Variants in FMN2 observed in about 807,000 individuals in gnomAD.
FMN2 encodes the protein formin-2.
In FMN2, 51 loss-of-function variants were observed where a neutral mutation model predicts 142.3. The ratio of observed to expected loss-of-function variants is 0.36; its 90% confidence interval spans 0.29 to 0.45. The LOEUF (loss-of-function observed/expected upper bound fraction) is 0.45, where lower values mean the gene tolerates loss of function less well. Ranked by LOEUF, FMN2 falls within the 20% of genes least tolerant of loss-of-function variation. FMN2 has a pLI of 1.00. For synonymous variants in FMN2, 882 were observed against 869.8 expected (o/e 1.01, Z -0.25); for missense variants, 1,936 against 2,122.8 (o/e 0.91, Z 1.73).
In FMN2 at chr1:240,361,835, G is replaced by A. The variant is rs887937943; in HGVS notation, c.4858+5927G>A. On this transcript the variant is annotated intron_variant, in intron 14 of 17. Transcript: ENST00000319653. Reference sequence around the variant, plus strand: ...AGGAGGTTAAGAAAAATTAGATCCAGGGATAGTATTCTGGAGGAGAATAGC... The same window carrying A: ...AGGAGGTTAAGAAAAATTAGATCCAAGGATAGTATTCTGGAGGAGAATAGC... 9.8e-5 allele frequency among the ~76,000 whole-genome samples: 15 copies of A among 152,316 alleles called. No individual in the cohort carries two copies. The East Asian group carries it at 1.2e-3, about 12-fold the overall frequency.
chr1:240,470,443 G>T (rs1306778919), intron 16 of FMN2, among the ~76,000 whole-genome samples: 1 of 152,160 alleles, frequency 6.6e-6, no homozygotes, highest in East Asian at 1.9e-4. Flanking sequence ...TTCTGGAATT[G>T]CTAACAATAT....
intron 8 of FMN2, among the ~76,000 whole-genome samples, chr1:240,299,722 G>A (rs1288241723): frequency 6.6e-6 from 1 of 152,036 alleles, no homozygotes; most frequent in Non-Finnish European, 1.5e-5. Flanking sequence ...TGTTACCTTA[G>A]ATCTTTTGAG....
intron 6 of FMN2, among the ~76,000 whole-genome samples, chr1:240,257,236 G>A (rs1043758884): frequency 2.0e-4 from 31 of 152,150 alleles, no homozygotes; most frequent in African/African-American, 7.0e-4. Context: ...TCTGTTTTAG[G>A]AACCCTTCGC....
chr1:240,273,597 T>G (rs1166053472), intron 7 of FMN2, among the ~76,000 whole-genome samples: 1 of 152,146 alleles, frequency 6.6e-6, no homozygotes, highest in African/African-American at 2.4e-5. Flanking sequence ...GCTTTAGTGT[T>G]GTACTGTCTC....
At chr1:240,463,917 C>T (rs925140476) in intron 16 of FMN2, among the ~76,000 whole-genome samples, 6 of 151,968 alleles carry the variant, frequency 3.9e-5, no homozygotes, top group African/African-American at 1.2e-4. Context: ...GCATGAGAAT[C>T]ATTTGAACCT....
chr1:240,398,534 C>T (rs1436247433), intron 15 of FMN2, among the ~76,000 whole-genome samples: 1 of 152,124 alleles, frequency 6.6e-6, no homozygotes, highest in Non-Finnish European at 1.5e-5. Context: ...TATAATTAAA[C>T]AATGAACCCC....
At chr1:240,107,793 T>C (rs982364691) in intron 1 of FMN2, among the ~76,000 whole-genome samples, 1 of 152,210 alleles carries the variant, frequency 6.6e-6, no homozygotes, top group African/African-American at 2.4e-5. Flanking sequence ...TTGAACTTTA[T>C]ATAAATTTTA....
intron 16 of FMN2, among the ~76,000 whole-genome samples, chr1:240,440,897 G>A (rs1047367044): frequency 1.3e-5 from 2 of 151,830 alleles, no homozygotes; most frequent in African/African-American, 4.8e-5. Context: ...TTTCAAGACA[G>A]CAAAGCATTA....
chr1:240,270,272 C>T (rs528271220), intron 7 of FMN2, among the ~76,000 whole-genome samples: 6 of 152,084 alleles, frequency 3.9e-5, no homozygotes, highest in Non-Finnish European at 8.8e-5. Context: ...GAAAAGAGAA[C>T]TCTTCCATAC....
At chr1:240,104,453 C>T (rs945998228) in intron 1 of FMN2, among the ~76,000 whole-genome samples, 4 of 152,080 alleles carry the variant, frequency 2.6e-5, no homozygotes, top group Admixed American at 1.3e-4. Context: ...GTGACACACT[C>T]GCATCATCAG....
intron 16 of FMN2, among the ~76,000 whole-genome samples, chr1:240,470,026 C>T (rs531760511): frequency 1.3e-5 from 2 of 152,080 alleles, no homozygotes; most frequent in Admixed American, 6.6e-5. Flanking sequence ...GTATTAGACT[C>T]GGTTTCCTGT....
At chr1:240,317,668 TG>T (rs1670835713) in intron 8 of FMN2, among the ~76,000 whole-genome samples, 1 of 152,202 alleles carries the variant, frequency 6.6e-6, no homozygotes, top group Non-Finnish European at 1.5e-5. Flanking sequence ...TGGGGTGTTT[TG>T]AGTTTTTGGG....
At chr1:240,145,467 A>G (rs73128591) in intron 2 of FMN2, 54,557 of 246,324 alleles carry the variant, frequency 0.22, 5,861 homozygotes, top group Middle Eastern at 0.3. Context: ...TTTCTTTAGT[A>G]TTGTATTTGA....
rs559039481 is a variant in FMN2 at position 240,183,494 on chromosome 1, A to G, written c.1931-4713A>G. On this transcript the variant is annotated intron_variant, in intron 3 of 17. Transcript: ENST00000319653. ...GAATATATATTATATATTGAATTAG[A>G]TAATATATTGAATATTATATATTAC... Among the ~76,000 whole-genome samples the G allele has an allele frequency of 2.0e-5, 3 of 148,370 alleles. No homozygotes were observed. The South Asian group carries it at 6.3e-4, about 31-fold the overall frequency.
chr1:240,099,356 T>C (rs1439285737), intron 1 of FMN2, among the ~76,000 whole-genome samples: 3 of 152,106 alleles, frequency 2.0e-5, no homozygotes, highest in Admixed American at 6.5e-5. Context: ...TTTTCTTTTT[T>C]TTTTCTGGAA....
chr1:240,303,267 A>C (rs899256272), intron 8 of FMN2, among the ~76,000 whole-genome samples: 2 of 152,180 alleles, frequency 1.3e-5, no homozygotes, highest in South Asian at 2.1e-4. Flanking sequence ...GTATTTCTTC[A>C]TACAGCTTTG....
At chr1:240,468,206 A>ATATATATGTGTGTGTG (rs374934885) in intron 16 of FMN2, among the ~76,000 whole-genome samples, 1 of 147,876 alleles carries the variant, frequency 6.8e-6, no homozygotes, top group Non-Finnish European at 1.5e-5. Flanking sequence ...ATATATATAT[A>ATATATATGTGTGTGTG]TGTGTGTGTG....
chr1:240,318,515 T>C (rs933356920), intron 8 of FMN2, among the ~76,000 whole-genome samples: 2 of 152,146 alleles, frequency 1.3e-5, no homozygotes, highest in African/African-American at 4.8e-5. Flanking sequence ...AGGAAGTTCA[T>C]CACCATGCTG....
Position 240,093,416 on chromosome 1 carries a change from C to G in FMN2, c.1307C>G (p.Ser436Cys). Residue 436 changes from serine to cysteine, a missense_variant, in exon 1 of 18, where the codon TCC becomes TGC. By Grantham distance (112) the Ser-to-Cys change is moderately radical (BLOSUM62 -1). Transcript: ENST00000319653. ...TCGCCCAATCACTCCCCGTCTCAGTCCCCTAATCAGAGCCCCAGGATCAAG... is the reference window on the plus strand; with the variant it reads ...TCGCCCAATCACTCCCCGTCTCAGTGCCCTAATCAGAGCCCCAGGATCAAG... Reference protein sequence around the residue: ...LSSPNHSPSQSPNQSPRIKRR... With the variant: ...LSSPNHSPSQCPNQSPRIKRR... The G allele has an allele frequency of 5.0e-6, 8 of 1,613,660 alleles. No homozygotes were observed. Among genetic ancestry groups the G allele is most frequent in the Non-Finnish European group, 6.8e-6 (8 of 1,179,772 alleles).
Sources: allele counts gnomAD v4.1 joint callset (sites outside exome capture counted in the v4.1 genomes callset), GRCh38; gene constraint gnomAD v4.1.1; transcripts MANE v1.5; gene names NCBI Gene and HGNC (gene_info 2026-07-23, HGNC 2026-07-21).